ZNF248: variants seen among roughly 807,000 people sequenced by gnomAD.
ZNF248 encodes the protein zinc finger protein 248, also known as KRAB protein domain.
ZNF248 carries 20 observed loss-of-function variants against 44.3 expected under a neutral mutation model. That is an observed-to-expected ratio of 0.45 (90% confidence interval 0.32 to 0.66). The LOEUF is 0.66. ZNF248 is among the 30% of genes least tolerant of loss of function. The probability of loss-of-function intolerance (pLI) is 0.04; values close to 1 mark genes in which losing one functional copy is unlikely to be tolerated. For missense variants in ZNF248, 654 were observed against 677.0 expected (o/e 0.97, Z 0.38); for synonymous variants, 224 against 229.0 (o/e 0.98, Z 0.20).
In ZNF248 at chr10:37,851,751, A is replaced by G. The variant is rs1363969961; in HGVS notation, c.15+4545T>C. On this transcript the variant is annotated intron_variant, in intron 3 of 5. Transcript: ENST00000395867. ...ATAAATAACAAAAAAAAATCACTAT[A>G]TACCCATCAGAATGACCAAAAAAAA... Among the ~76,000 whole-genome samples, 4 of 138,424 alleles carry G rather than the reference A, an allele frequency of 2.9e-5. No individual in the cohort carries two copies. In the East Asian group the frequency reaches 9.0e-4, roughly 31 times the overall value. The allele number at this position is 138,424 out of a possible 152,430, so 90.8% of individuals were successfully genotyped here. A position where few individuals can be genotyped will look rare whatever the true frequency, so the allele number is the denominator to read the frequency against.
chr10:37,839,492 T>C (rs1384926810), intron 3 of ZNF248, among the ~76,000 whole-genome samples: 1 of 145,918 alleles, frequency 6.9e-6, no homozygotes, highest in Non-Finnish European at 1.5e-5. Context: ...ACACCTCTTA[T>C]ACATGTATAC....
intron 3 of ZNF248, among the ~76,000 whole-genome samples, chr10:37,847,360 G>A (rs1362058358): frequency 6.6e-6 from 1 of 152,044 alleles, no homozygotes; most frequent in Non-Finnish European, 1.5e-5. Flanking sequence ...TAATATCCTA[G>A]TTATTTCTTA....
At chr10:37,846,224 G>C (rs1262388245) in intron 3 of ZNF248, among the ~76,000 whole-genome samples, 1 of 152,172 alleles carries the variant, frequency 6.6e-6, no homozygotes, top group Non-Finnish European at 1.5e-5. Context: ...TTGGTGAGAG[G>C]ACCCAAGTTT....
At chr10:37,784,655 A>T (rs1301241529) in intron 6 of ZNF248, among the ~76,000 whole-genome samples, 1 of 152,202 alleles carries the variant, frequency 6.6e-6, no homozygotes, top group African/African-American at 2.4e-5. Context: ...GTTCTAGACT[A>T]GATAGCAGCA....
intron 3 of ZNF248, among the ~76,000 whole-genome samples, chr10:37,849,860 CA>C (rs1426949415): frequency 2.6e-5 from 4 of 152,132 alleles, no homozygotes; most frequent in African/African-American, 9.7e-5. Flanking sequence ...ATCACAAGGT[CA>C]GGAGTTCAAG....
intron 6 of ZNF248, among the ~76,000 whole-genome samples, chr10:37,804,104 T>TTC (rs1554818646): frequency 1.6e-4 from 14 of 87,116 alleles, no homozygotes; most frequent in African/African-American, 6.3e-4. Flanking sequence ...TCTTTTTCTT[T>TTC]TTTTTTTTTT....
chr10:37,769,924 G>A, the ZNF248 span, among the ~76,000 whole-genome samples: 1 of 152,126 alleles, frequency 6.6e-6, no homozygotes, highest in Admixed American at 6.6e-5. Flanking sequence ...CTTCAGCAAG[G>A]TCTCAGGATA....
upstream of ZNF248, chr10:37,857,822 C>G (rs2061571410): frequency 1.3e-5 from 2 of 152,516 alleles, no homozygotes; most frequent in African/African-American, 4.8e-5. Flanking sequence ...ATACGGACCC[C>G]CGGGAGCCCC....
At chr10:37,798,412 ATGT>A (rs2049400002) in intron 6 of ZNF248, among the ~76,000 whole-genome samples, 1 of 152,120 alleles carries the variant, frequency 6.6e-6, no homozygotes, top group Non-Finnish European at 1.5e-5. Context: ...AAACTAGTGG[ATGT>A]TGTGGTATGT....
intron 6 of ZNF248, among the ~76,000 whole-genome samples, chr10:37,800,038 T>C (rs1299982000): frequency 1.3e-5 from 2 of 151,710 alleles, no homozygotes; most frequent in East Asian, 3.9e-4. Flanking sequence ...TGAGACTCTG[T>C]CTCTATCAAA....
At chr10:37,777,560 G>A (rs1313695556) in intron 6 of ZNF248, among the ~76,000 whole-genome samples, 2 of 142,390 alleles carry the variant, frequency 1.4e-5, no homozygotes, top group African/African-American at 5.2e-5. Context: ...TTCAATTAAA[G>A]TTTTAGGGTA....
At chr10:37,770,287 T>C in the ZNF248 span, among the ~76,000 whole-genome samples, 1 of 152,148 alleles carries the variant, frequency 6.6e-6, no homozygotes, top group Non-Finnish European at 1.5e-5. Context: ...AAAGTTCATA[T>C]GGAACCAAAA....
At chr10:37,820,572 C>T (rs1389398500) in intron 6 of ZNF248, 5 of 1,600,932 alleles carry the variant, frequency 3.1e-6, no homozygotes, top group Non-Finnish European at 4.3e-6. Context: ...CCGCTTCCCC[C>T]AGCAAACTCA....
intron 3 of ZNF248, among the ~76,000 whole-genome samples, chr10:37,852,559 G>A (rs185704917): frequency 6.6e-6 from 1 of 151,708 alleles, no homozygotes; most frequent in Admixed American, 6.6e-5. Flanking sequence ...TGGTAATTCA[G>A]CTATTCTGTA....
At chr10:37,773,188 T>A (rs2132739925), downstream of ZNF248, among the ~76,000 whole-genome samples, 1 of 152,224 alleles carries the variant, frequency 6.6e-6, no homozygotes, top group South Asian at 2.1e-4. Flanking sequence ...GAGGTTGCAG[T>A]AAGCTGGGAT....
intron 6 of ZNF248, among the ~76,000 whole-genome samples, chr10:37,815,537 C>A (rs187487296): frequency 3.3e-5 from 5 of 152,074 alleles, no homozygotes; most frequent in Non-Finnish European, 7.4e-5. Context: ...TTATAGTTTT[C>A]TTGACTTTGT....
At chr10:37,833,256 A>T in intron 5 of ZNF248, 140 bp from the exon 6 acceptor site, 4 of 1,270,484 alleles carry the variant, frequency 3.1e-6, no homozygotes, top group Non-Finnish European at 4.1e-6. Context: ...GTTCAAGTGT[A>T]CATTTTCTTT....
intron 3 of ZNF248, among the ~76,000 whole-genome samples, chr10:37,846,802 C>G (rs893239922): frequency 6.6e-6 from 1 of 152,078 alleles, no homozygotes; most frequent in Admixed American, 6.5e-5. Context: ...CACAGAAACA[C>G]GTTAAACATA....
chr10:37,777,804 C>G (rs1178898475), intron 6 of ZNF248, among the ~76,000 whole-genome samples: 4 of 151,026 alleles, frequency 2.6e-5, no homozygotes, highest in African/African-American at 7.3e-5. Flanking sequence ...TTTGTTCTTG[C>G]GATAATTTAC....
Sources: gnomAD v4.1 joint callset for allele counts (sites outside exome capture counted in the v4.1 genomes callset) on GRCh38, gnomAD v4.1.1 for gene constraint, MANE v1.5 for transcripts, NCBI Gene and HGNC (gene_info 2026-07-23, HGNC 2026-07-21) for gene names.